Variants in LRRTM4 observed in about 807,000 individuals in gnomAD.
LRRTM4 encodes the protein leucine rich repeat transmembrane neuronal 4.
Under a neutral mutation model 47.6 loss-of-function variants are expected in LRRTM4, and 25 were observed. That is an observed-to-expected ratio of 0.53 (90% CI 0.38 to 0.73). The LOEUF is 0.73. LRRTM4 is among the 30% of genes least tolerant of loss of function. LRRTM4 has a pLI of 0.00. For synonymous variants in LRRTM4, 311 were observed against 269.5 expected, an observed-to-expected ratio of 1.15 and a Z score of -1.51; for missense variants, 638 against 713.4, an observed-to-expected ratio of 0.89 and a Z score of 1.20.
At chr2:77,410,068 A>G (rs545967127) in intron 3 of LRRTM4, among the ~76,000 whole-genome samples, 255 of 152,296 alleles carry the variant, frequency 1.7e-3, no homozygotes, top group African/African-American at 5.9e-3. Context: ...AATGATGTCA[A>G]TATCATCTAT....
chr2:76,793,911 TTGCTTCTA>T (rs1352630646), intron 3 of LRRTM4, among the ~76,000 whole-genome samples: 4 of 152,176 alleles, frequency 2.6e-5, no homozygotes, highest in Non-Finnish European at 4.4e-5. Flanking sequence ...GGGACAGTAA[TTGCTTCTA>T]TGGGACACAG....
intron 3 of LRRTM4, among the ~76,000 whole-genome samples, chr2:77,504,060 A>G (rs1375002328): frequency 1.3e-5 from 2 of 151,616 alleles, no homozygotes; most frequent in African/African-American, 4.8e-5. Flanking sequence ...CAGAGCAGTA[A>G]TAGAGGAGAA....
At chr2:77,130,047 A>C (rs778210174) in intron 3 of LRRTM4, among the ~76,000 whole-genome samples, 13 of 152,210 alleles carry the variant, frequency 8.5e-5, no homozygotes, top group Non-Finnish European at 1.6e-4. Flanking sequence ...TACTAGGCTT[A>C]ATCTATGTTT....
intron 3 of LRRTM4, among the ~76,000 whole-genome samples, chr2:76,821,988 T>G (rs1671065396): frequency 6.6e-6 from 1 of 151,586 alleles, no homozygotes; most frequent in African/African-American, 2.4e-5. Context: ...CTATGTTTGT[T>G]TTGGAAAATA....
intron 3 of LRRTM4, among the ~76,000 whole-genome samples, chr2:77,284,285 T>C (rs1676590557): frequency 6.6e-6 from 1 of 152,116 alleles, no homozygotes; most frequent in African/African-American, 2.4e-5. Context: ...TATACTTACA[T>C]ATTGTCCTAT....
chr2:76,907,738 T>C (rs1424404054), intron 3 of LRRTM4, among the ~76,000 whole-genome samples: 6 of 119,900 alleles, frequency 5.0e-5, no homozygotes, highest in Non-Finnish European at 9.9e-5. Context: ...AACTAGAAAA[T>C]CTAGAAGAAA....
intron 3 of LRRTM4, among the ~76,000 whole-genome samples, chr2:77,394,756 T>G (rs542912886): frequency 6.6e-6 from 1 of 152,086 alleles, no homozygotes; most frequent in Admixed American, 6.6e-5. Flanking sequence ...ATATTACAGT[T>G]AGGCCCCCTA....
chr2:77,057,336 A>G (rs1248518528), intron 3 of LRRTM4, among the ~76,000 whole-genome samples: 1 of 152,224 alleles, frequency 6.6e-6, no homozygotes, highest in African/African-American at 2.4e-5. Context: ...CTAGGCTAAC[A>G]GTATAATAGG....
intron 3 of LRRTM4, among the ~76,000 whole-genome samples, chr2:77,248,708 A>G (rs1675517894): frequency 6.6e-6 from 1 of 152,204 alleles, no homozygotes; most frequent in African/African-American, 2.4e-5. Flanking sequence ...AAATAGACCA[A>G]TGAAACAGAA....
At chr2:77,062,497 G>T (rs1317133448) in intron 3 of LRRTM4, among the ~76,000 whole-genome samples, 1 of 152,126 alleles carries the variant, frequency 6.6e-6, no homozygotes, top group Non-Finnish European at 1.5e-5. Context: ...AAACTGATGA[G>T]TAATCTGATC....
intron 3 of LRRTM4, among the ~76,000 whole-genome samples, chr2:77,043,048 CCTT>C (rs1679090685): frequency 6.6e-6 from 1 of 151,712 alleles, no homozygotes; most frequent in South Asian, 2.1e-4. Flanking sequence ...GCCTAGGAAA[CCTT>C]CTCCATGGTT....
In LRRTM4 at chr2:77,493,328, C is replaced by T. The variant is rs117263580; in HGVS notation, c.1551+24990G>A. ...GAATCGGTAATAAGAAATCAGGAGA[C>T]GAAGCATTATATTCAATAATGATTT... On this transcript the variant is annotated intron_variant, in intron 3 of 3. Coordinates refer to ENST00000409884, the MANE Select transcript of LRRTM4 (RefSeq NM_001134745.3). Among the ~76,000 whole-genome samples, 107 of 151,794 alleles carry T rather than the reference C, an allele frequency of 7.0e-4. 1 individual carries two copies. In the East Asian group the frequency reaches 0.013, roughly 18 times the overall value.
chr2:77,354,211 C>T (rs1359196270), intron 3 of LRRTM4, among the ~76,000 whole-genome samples: 1 of 152,122 alleles, frequency 6.6e-6, no homozygotes, highest in African/African-American at 2.4e-5. Flanking sequence ...TTTCCTGTTT[C>T]AGCTAGTCTT....
chr2:77,193,074 C>T (rs1673718645), intron 3 of LRRTM4, among the ~76,000 whole-genome samples: 1 of 152,128 alleles, frequency 6.6e-6, no homozygotes, highest in Non-Finnish European at 1.5e-5. Flanking sequence ...GTGACATAGC[C>T]ATTGTGCCTT....
intron 3 of LRRTM4, among the ~76,000 whole-genome samples, chr2:77,032,545 TG>T (rs1449461451): frequency 2.0e-5 from 3 of 152,144 alleles, no homozygotes; most frequent in South Asian, 2.1e-4. Flanking sequence ...TTTGAATAAT[TG>T]AATAAATAAT....
intron 3 of LRRTM4, among the ~76,000 whole-genome samples, chr2:76,865,396 G>A (rs1672436328): frequency 6.6e-6 from 1 of 152,088 alleles, no homozygotes; most frequent in Non-Finnish European, 1.5e-5. Flanking sequence ...GATTTACATG[G>A]CCCACCTAGC....
At position 77,026,214 on chromosome 2, in the gene LRRTM4, T is replaced by C. The variant is rs566620534; in HGVS notation, c.1552-277298A>G. On this transcript the variant is annotated intron_variant, in intron 3 of 3. Transcript: ENST00000409884. ...TTATTACAGTGAGGAAAATAATAGCTAGCATTTATGTTGCAGGGGCCATTT... is the reference window on the plus strand; with the variant it reads ...TTATTACAGTGAGGAAAATAATAGCCAGCATTTATGTTGCAGGGGCCATTT... 2.6e-5 allele frequency among the ~76,000 whole-genome samples: 4 copies of C among 152,320 alleles called. No homozygotes were observed. The South Asian group carries it at 8.3e-4, about 32-fold the overall frequency.
chr2:77,481,902 T>C (rs2104019994), intron 3 of LRRTM4, among the ~76,000 whole-genome samples: 1 of 151,034 alleles, frequency 6.6e-6, no homozygotes, highest in African/African-American at 2.4e-5. Flanking sequence ...TTAAAACTTC[T>C]AGTTATTTTA....
intron 3 of LRRTM4, among the ~76,000 whole-genome samples, chr2:77,171,391 C>T (rs1285530723): frequency 6.6e-6 from 1 of 152,044 alleles, no homozygotes; most frequent in African/African-American, 2.4e-5. Context: ...ATTCTCCTGC[C>T]TCAACCTCCC....
Sources: gnomAD v4.1 joint callset for allele counts (sites outside exome capture counted in the v4.1 genomes callset) on GRCh38, gnomAD v4.1.1 for gene constraint, MANE v1.5 for transcripts, NCBI Gene and HGNC (gene_info 2026-07-23, HGNC 2026-07-21) for gene names.